The following GABRB1 variants were observed in gnomAD, a reference collection of about 807,000 sequenced individuals.
GABRB1 encodes gamma-aminobutyric acid receptor subunit beta-1.
In GABRB1, 17 loss-of-function variants were observed where a neutral mutation model predicts 51.6. The ratio of observed to expected loss-of-function variants is 0.33; its 90% CI spans 0.23 to 0.49. GABRB1 has a LOEUF of 0.49. Among genes scored for constraint, GABRB1 ranks in the 20% least tolerant of loss-of-function variants. GABRB1 has a pLI of 0.99. For missense variants in GABRB1, 410 were observed against 600.6 expected (o/e 0.68, Z 3.32); for synonymous variants, 247 against 218.9 (o/e 1.13, Z -1.14).
chr4:47,367,366 G>A (rs528821779), intron 5 of GABRB1, among the ~76,000 whole-genome samples: 1 of 152,230 alleles, frequency 6.6e-6, no homozygotes, highest in Admixed American at 6.5e-5. Context: ...ATCTCCATTG[G>A]CAGAAAATAG....
At chr4:47,416,766 T>C (rs1728935438) in intron 8 of GABRB1, among the ~76,000 whole-genome samples, 1 of 152,098 alleles carries the variant, frequency 6.6e-6, no homozygotes, top group Admixed American at 6.5e-5. Context: ...TTGCACTTTT[T>C]TTTTCTTTGA....
intron 3 of GABRB1, among the ~76,000 whole-genome samples, chr4:47,128,413 C>A (rs1716261374): frequency 6.6e-6 from 1 of 151,842 alleles, no homozygotes; most frequent in Non-Finnish European, 1.5e-5. Context: ...AGAAAAACCT[C>A]TACCTAGATT....
At chr4:47,126,064 G>A (rs532458374) in intron 3 of GABRB1, among the ~76,000 whole-genome samples, 1 of 151,608 alleles carries the variant, frequency 6.6e-6, no homozygotes, top group Non-Finnish European at 1.5e-5. Flanking sequence ...CATTGTATGT[G>A]TGAATACACA....
chr4:47,357,987 T>C (rs1726649656), intron 5 of GABRB1, among the ~76,000 whole-genome samples: 1 of 152,194 alleles, frequency 6.6e-6, no homozygotes. Flanking sequence ...CAAGGTGCTA[T>C]GCTAAATGCT....
At chr4:47,193,881 T>C (rs904416258) in intron 4 of GABRB1, among the ~76,000 whole-genome samples, 2 of 152,218 alleles carry the variant, frequency 1.3e-5, no homozygotes, top group African/African-American at 4.8e-5. Flanking sequence ...GCAAAATGTG[T>C]TTGTTATCTA....
At chr4:47,000,348 C>A (rs1724140876) in intron 1 of GABRB1, among the ~76,000 whole-genome samples, 1 of 152,180 alleles carries the variant, frequency 6.6e-6, no homozygotes, top group South Asian at 2.1e-4. Context: ...TAAGCTTTAT[C>A]TCATTAAAAA....
chr4:47,064,298 G>A (rs1726964224), intron 3 of GABRB1, among the ~76,000 whole-genome samples: 1 of 152,056 alleles, frequency 6.6e-6, no homozygotes, highest in South Asian at 2.1e-4. Context: ...AACTAAAGTA[G>A]GATACTTTGT....
At chr4:47,362,035 A>C (rs1349095767) in intron 5 of GABRB1, among the ~76,000 whole-genome samples, 1 of 152,156 alleles carries the variant, frequency 6.6e-6, no homozygotes, top group African/African-American at 2.4e-5. Context: ...AAGACCTAGA[A>C]CCCAACCTTG....
chr4:47,353,814 G>A (rs550164836), intron 5 of GABRB1, among the ~76,000 whole-genome samples: 1 of 152,010 alleles, frequency 6.6e-6, no homozygotes, highest in African/African-American at 2.4e-5. Flanking sequence ...AACTCTTTTA[G>A]TTTATTATTT....
intron 8 of GABRB1, among the ~76,000 whole-genome samples, chr4:47,424,312 C>A (rs1320830320): frequency 6.6e-6 from 1 of 152,100 alleles, no homozygotes; most frequent in Admixed American, 6.5e-5. Flanking sequence ...GATTGTTAAC[C>A]GTTCTAAATC....
chr4:47,327,855 T>C (rs1725313030), intron 5 of GABRB1, among the ~76,000 whole-genome samples: 1 of 152,210 alleles, frequency 6.6e-6, no homozygotes, highest in African/African-American at 2.4e-5. Flanking sequence ...CAAATGGTAT[T>C]TCTAGTTCTA....
chr4:47,346,749 C>T (rs1283643494), intron 5 of GABRB1, among the ~76,000 whole-genome samples: 2 of 152,202 alleles, frequency 1.3e-5, no homozygotes, highest in Non-Finnish European at 2.9e-5. Flanking sequence ...TAAGTGTAAA[C>T]TTGCTGTGAT....
intron 4 of GABRB1, among the ~76,000 whole-genome samples, chr4:47,263,058 G>T (rs1397219781): frequency 1.2e-3 from 130 of 111,066 alleles, no homozygotes; most frequent in African/African-American, 4.0e-3. Flanking sequence ...TGGGGGGAGG[G>T]GGGAGGGATA....
chr4:47,206,205 TGGG>T (rs1204616617), intron 4 of GABRB1, among the ~76,000 whole-genome samples: 1 of 152,048 alleles, frequency 6.6e-6, no homozygotes, highest in Non-Finnish European at 1.5e-5. Context: ...GTTTACCAGT[TGGG>T]GGCAAGAGAA....
At chr4:47,083,097 A>G (rs1450434427) in intron 3 of GABRB1, among the ~76,000 whole-genome samples, 2 of 152,176 alleles carry the variant, frequency 1.3e-5, no homozygotes, top group East Asian at 3.9e-4. Context: ...AGAAAAGGAT[A>G]GATTACTGTA....
chr4:47,132,952 A>G (rs2109676629), intron 3 of GABRB1, among the ~76,000 whole-genome samples: 1 of 152,234 alleles, frequency 6.6e-6, no homozygotes, highest in East Asian at 1.9e-4. Flanking sequence ...CTCAAATGCT[A>G]CTCTACCAAA....
At chr4:47,239,494 A>G (rs1015577738) in intron 4 of GABRB1, among the ~76,000 whole-genome samples, 1 of 152,156 alleles carries the variant, frequency 6.6e-6, no homozygotes, top group Non-Finnish European at 1.5e-5. Context: ...AAAAAAATGT[A>G]TTAGCAATGG....
intron 3 of GABRB1, among the ~76,000 whole-genome samples, chr4:47,067,352 G>A (rs905930639): frequency 8.5e-5 from 13 of 152,208 alleles, no homozygotes; most frequent in African/African-American, 3.1e-4. Context: ...AAGAGGGTCA[G>A]CCTGTCCTTT....
At chr4:47,016,394 G>T (rs988861989) in intron 1 of GABRB1, among the ~76,000 whole-genome samples, 1 of 151,890 alleles carries the variant, frequency 6.6e-6, no homozygotes, top group African/African-American at 2.4e-5. Context: ...TTTTAATAAT[G>T]TGTAATAAAA....
Sources: gnomAD v4.1 joint callset for allele counts (sites outside exome capture counted in the v4.1 genomes callset) on GRCh38, gnomAD v4.1.1 for gene constraint, MANE v1.5 for transcripts, NCBI Gene and HGNC (gene_info 2026-07-23, HGNC 2026-07-21) for gene names.